TRAPPC10: variants seen among roughly 807,000 people sequenced by gnomAD.
TRAPPC10 encodes TRAPP 130 kDa subunit.
Under a neutral mutation model 125.5 loss-of-function variants are expected in TRAPPC10, and 23 were observed. The ratio of observed to expected loss-of-function variants is 0.18; its 90% confidence interval spans 0.13 to 0.26. TRAPPC10 has a LOEUF of 0.26. TRAPPC10 is among the 10% of genes least tolerant of loss of function. The pLI, the probability that TRAPPC10 is intolerant of heterozygous loss-of-function variation, is 1.00. For missense variants in TRAPPC10, 1,123 were observed against 1,308.4 expected (o/e 0.86, Z 2.19); for synonymous variants, 509 against 518.0 (o/e 0.98, Z 0.24).
Position 44,059,273 on chromosome 21 carries a change from G to A in TRAPPC10, c.790+59G>A, listed in dbSNP as rs961156858. ...CTTAGTGTGGCTTTCTCCAACTTCA[G>A]ATAGGCTTGAAGCAGCCATTTATTT... On this transcript the variant is annotated intron_variant, in intron 6 of 22. Transcript: ENST00000291574. The surrounding 1 kb of genome is among the most constrained non-coding windows in gnomAD (Gnocchi z 4.4). 1 of 1,306,484 alleles carries A rather than the reference G, an allele frequency of 7.7e-7. No individual in the cohort carries two copies. Among genetic ancestry groups the A allele is most frequent in the African/African-American group, 1.5e-5 (1 of 67,652 alleles). 80.9% of individuals were successfully genotyped at this position (1,306,484 alleles called of 1,614,324 possible).
intron 9 of TRAPPC10, among the ~76,000 whole-genome samples, chr21:44,075,736 C>G (rs777979364): frequency 2.6e-5 from 4 of 152,152 alleles, no homozygotes; most frequent in Non-Finnish European, 5.9e-5. Context: ...TCCTCCTGCC[C>G]TGGCCTCCCA....
chr21:44,017,950 A>C (rs1274133266), intron 1 of TRAPPC10, among the ~76,000 whole-genome samples: 2 of 152,040 alleles, frequency 1.3e-5, no homozygotes, highest in East Asian at 3.9e-4. Context: ...AGTGTGTGGG[A>C]AGCCTAGGTA....
chr21:44,062,910 A>AAGT, intron 6 of TRAPPC10: 1 of 1,236,058 alleles, frequency 8.1e-7, no homozygotes, highest in Non-Finnish European at 1.0e-6. Flanking sequence ...TTGTTATTAT[A>AAGT]CATTGTTATG....
chr21:44,024,561 T>C (rs971324971), intron 1 of TRAPPC10, among the ~76,000 whole-genome samples: 2 of 152,248 alleles, frequency 1.3e-5, no homozygotes, highest in Non-Finnish European at 2.9e-5. Context: ...ACAGTTCTTA[T>C]TGGCATTTGG....
chr21:44,022,910 T>C (rs533403582), intron 1 of TRAPPC10, among the ~76,000 whole-genome samples: 9 of 152,220 alleles, frequency 5.9e-5, no homozygotes, highest in African/African-American at 1.9e-4. Flanking sequence ...TTGCTGTTCT[T>C]CCAGCAGGTG....
intron 5 of TRAPPC10, among the ~76,000 whole-genome samples, chr21:44,058,821 C>T (rs2035811069): frequency 6.6e-6 from 1 of 152,348 alleles, no homozygotes; most frequent in Admixed American, 6.5e-5. Flanking sequence ...GTGGCCAGGT[C>T]CTGGACAGCA....
chr21:44,060,394 C>T (rs1426618899), intron 6 of TRAPPC10: 1 of 150,280 alleles, frequency 6.7e-6, no homozygotes, highest in East Asian at 2.0e-4. Context: ...ATGCCATTCT[C>T]CTGCCTCAGC....
At chr21:44,016,860 G>A (rs376801016) in intron 1 of TRAPPC10, among the ~76,000 whole-genome samples, 72 of 152,196 alleles carry the variant, frequency 4.7e-4, no homozygotes, top group Non-Finnish European at 7.4e-4. Context: ...GGGTTTCACC[G>A]TGTCAGCCAG....
At chr21:44,084,292 G>A (rs756623952) in intron 15 of TRAPPC10, 29 bp downstream of exon 15, 4 of 1,607,594 alleles carry the variant, frequency 2.5e-6, no homozygotes, top group Non-Finnish European at 1.7e-6. Context: ...CTTTGAGGAG[G>A]CGTGCTGCTG....
chr21:44,092,096 G>T, intron 19 of TRAPPC10, 47 bp downstream of exon 19: 1 of 1,606,520 alleles, frequency 6.2e-7, no homozygotes, highest in South Asian at 1.1e-5. Flanking sequence ...CAGAGAACCA[G>T]AGTGTACGGA....
At position 44,074,461 on chromosome 21, in the gene TRAPPC10, C is replaced by T. The variant is rs367596961; in HGVS notation, c.1176C>T (p.Ala392=). The T allele has an allele frequency of 2.4e-5, 39 of 1,614,070 alleles. No individual in the cohort carries two copies. The highest frequency in any genetic ancestry group is 3.0e-5 in the Non-Finnish European group (35 of 1,180,028). The change falls in exon 8 of 23, where the codon GCC becomes GCT. Residue 392 remains alanine (A), a synonymous_variant. Coordinates refer to ENST00000291574, the MANE Select transcript of TRAPPC10 (RefSeq NM_003274.5). ...IAHTVGLWSY[A]TEKLKSLGYL... is the part of the protein sequence containing the mutation. ...ACACTGTGGGGCTATGGAGCTATGC[C>T]ACAGAAAAGGTGCCTACCTGCCCAA...
intron 5 of TRAPPC10, among the ~76,000 whole-genome samples, chr21:44,057,411 T>A (rs538175897): frequency 1.3e-5 from 2 of 152,086 alleles, no homozygotes; most frequent in Non-Finnish European, 2.9e-5. Context: ...GCGATTCTCC[T>A]GCCTCAGTCC....
At position 44,083,121 on chromosome 21, in the gene TRAPPC10, A is replaced by T. The variant is rs1311384803; in HGVS notation, c.2057A>T (p.Asp686Val). Residue 686 changes from aspartate to valine, a missense_variant, in exon 14 of 23, where the codon GAT (aspartate) becomes GTT (valine). Asp to Val is a radical substitution (Grantham distance 152). This residue lies in a region of TRAPPC10 where 840 missense variants were observed against 902.0 expected (regional missense o/e 0.93). Coordinates refer to ENST00000291574, the MANE Select transcript of TRAPPC10 (RefSeq NM_003274.5). ...LYEMFERSPS[D>V]NSLNTTGIIC... Reference sequence around the variant, plus strand: ...GAAATGTTTGAGAGAAGCCCATCTGATAACTCCTTGAACACGACTGGGATT... The same window carrying T: ...GAAATGTTTGAGAGAAGCCCATCTGTTAACTCCTTGAACACGACTGGGATT... The T allele has an allele frequency of 6.2e-7, 1 of 1,614,140 alleles. No homozygotes were observed. The highest frequency in any genetic ancestry group is 8.5e-7 in the Non-Finnish European group (1 of 1,180,028).
At chr21:44,028,912 T>C (rs2238707) in intron 1 of TRAPPC10, among the ~76,000 whole-genome samples, 53,042 of 152,078 alleles carry the variant, frequency 0.35, 13,510 homozygotes, top group African/African-American at 0.72. Flanking sequence ...AATGAAAATT[T>C]AGCCTGGAAC....
At chr21:44,083,582 TC>T (rs35943800) in intron 14 of TRAPPC10, among the ~76,000 whole-genome samples, 1 of 152,124 alleles carries the variant, frequency 6.6e-6, no homozygotes, top group Non-Finnish European at 1.5e-5. Context: ...CAGTTAGCTT[TC>T]CCCCCTGCAT....
intron 20 of TRAPPC10, among the ~76,000 whole-genome samples, chr21:44,095,438 A>G (rs1390693393): frequency 4.0e-5 from 6 of 151,408 alleles, no homozygotes; most frequent in African/African-American, 1.5e-4. Flanking sequence ...GTGTTTCTCC[A>G]TGTTGATCAG....
chr21:44,089,736 C>A, intron 17 of TRAPPC10, 97 bp from the exon 18 acceptor site: 1 of 830,012 alleles, frequency 1.2e-6, no homozygotes, highest in Non-Finnish European at 2.1e-6. Flanking sequence ...ATGTCTAGGG[C>A]GTGGGCGGGC....
chr21:44,046,522 T>TTTTG (rs1569163756), intron 3 of TRAPPC10: 3 of 163,204 alleles, frequency 1.8e-5, no homozygotes, highest in South Asian at 1.4e-4. Flanking sequence ...TTTTTTTTTT[T>TTTTG]GGGGGGAGGA....
chr21:44,025,117 C>T (rs1054109815), intron 1 of TRAPPC10, among the ~76,000 whole-genome samples: 1 of 152,214 alleles, frequency 6.6e-6, no homozygotes, highest in Admixed American at 6.5e-5. Flanking sequence ...GATAGCCTGT[C>T]TGTGGCCTTT....
Sources: gnomAD v4.1 joint callset for allele counts (sites outside exome capture counted in the v4.1 genomes callset) on GRCh38, gnomAD v4.1.1 for gene constraint, gnomAD v4.1.1 regional missense constraint, Gnocchi (gnomAD v3.1) non-coding constraint, MANE v1.5 for transcripts, NCBI Gene and HGNC (gene_info 2026-07-23, HGNC 2026-07-21) for gene names.